CPVL: variants seen among roughly 807,000 people sequenced by gnomAD.
The protein encoded by CPVL is probable serine carboxypeptidase CPVL.
Under a neutral mutation model 63.7 loss-of-function variants are expected in CPVL, and 51 were observed. That is an observed-to-expected ratio of 0.80 (90% CI 0.64 to 1.01). CPVL has a LOEUF of 1.01. CPVL is among the 50% of genes least tolerant of loss of function. CPVL has a pLI of 0.00. For missense variants in CPVL, 530 were observed against 573.1 expected, an observed-to-expected ratio of 0.92 and a Z score of 0.77; for synonymous variants, 195 against 206.0, an observed-to-expected ratio of 0.95 and a Z score of 0.46.
chr7:29,093,439 T>C (rs1476935303), intron 5 of CPVL, among the ~76,000 whole-genome samples: 2 of 151,480 alleles, frequency 1.3e-5, no homozygotes, highest in Non-Finnish European at 1.5e-5. Context: ...TAGTTGTACA[T>C]TGTCTTCCTC....
chr7:29,100,706 G>C (rs188852286), intron 3 of CPVL, among the ~76,000 whole-genome samples: 1 of 152,146 alleles, frequency 6.6e-6, no homozygotes, highest in Admixed American at 6.5e-5. Flanking sequence ...TAAATAACAA[G>C]ATCTGTGTAC....
chr7:29,030,732 T>C lies in CPVL; in HGVS notation c.1165A>G (p.Ile389Val). Reference protein sequence around the residue: ...KVLIYNGQLDIIVAAALTERS... With the variant: ...KVLIYNGQLDVIVAAALTERS... ...TCTGTCAGGGCAGCTGCCACGATGA[T>C]GTCCAGTTGGCCATTGTAGATCAGA... is the stretch of plus-strand genomic sequence containing the variant. Residue 389 changes from isoleucine (I) to valine (V), a missense_variant, in exon 12 of 13, where the codon ATC becomes GTC. By Grantham distance (29) the Ile-to-Val change is conservative (BLOSUM62 3). Transcript: ENST00000265394. 3 of 1,612,060 alleles carry C rather than the reference T, an allele frequency of 1.9e-6. No homozygotes were observed. The highest frequency in any genetic ancestry group is 8.5e-7 in the Non-Finnish European group (1 of 1,179,258).
intron 11 of CPVL, among the ~76,000 whole-genome samples, chr7:29,038,010 A>G (rs1345025844): frequency 6.6e-6 from 1 of 152,166 alleles, no homozygotes; most frequent in East Asian, 1.9e-4. Flanking sequence ...CAATGTTTTT[A>G]TTGCTCTTTA....
At position 29,033,433 on chromosome 7, in the gene CPVL, A is replaced by G. The variant is rs144245595; in HGVS notation, c.1138-2674T>C. Among the ~76,000 whole-genome samples, 17 of 152,304 alleles carry G rather than the reference A, an allele frequency of 1.1e-4. No homozygotes were observed. The East Asian group carries it at 3.3e-3, about 29-fold the overall frequency. ...ATAGAAAAGTTCCAGGGAGGAACTT[A>G]GCTCTGACAAGGACAGGTTGGCCAA... On this transcript the variant is annotated intron_variant, in intron 11 of 12. Transcript: ENST00000265394.
At chr7:29,050,562 A>G (rs991908017) in intron 11 of CPVL, among the ~76,000 whole-genome samples, 4 of 152,196 alleles carry the variant, frequency 2.6e-5, no homozygotes, top group African/African-American at 7.2e-5. Context: ...GGAAAACTAC[A>G]AAACACTGCT....
chr7:29,168,807 T>C (rs752411171), intron 5 of CPVL, among the ~76,000 whole-genome samples: 1 of 152,254 alleles, frequency 6.6e-6, no homozygotes, highest in Admixed American at 6.5e-5. Flanking sequence ...ATTCATGTTG[T>C]TTAGACATGT....
At chr7:29,079,733 C>A (rs552604596) in intron 7 of CPVL, among the ~76,000 whole-genome samples, 2 of 152,290 alleles carry the variant, frequency 1.3e-5, no homozygotes, top group African/African-American at 4.8e-5. Flanking sequence ...TAATTATAAG[C>A]CTACTTCTAG....
intron 5 of CPVL, among the ~76,000 whole-genome samples, chr7:29,180,610 AATG>A (rs1330666624): frequency 2.6e-5 from 4 of 152,336 alleles, no homozygotes; most frequent in African/African-American, 9.6e-5. Flanking sequence ...AATTAAGGCA[AATG>A]ATGAGCCAAT....
chr7:29,023,326 A>T (rs879328461), intron 12 of CPVL, among the ~76,000 whole-genome samples: 1 of 152,220 alleles, frequency 6.6e-6, no homozygotes, highest in Non-Finnish European at 1.5e-5. Flanking sequence ...GCAAAGGCCC[A>T]TCTTATAGGG....
chr7:29,052,068 T>C (rs192977525), intron 11 of CPVL, among the ~76,000 whole-genome samples: 2 of 151,942 alleles, frequency 1.3e-5, no homozygotes, highest in Non-Finnish European at 2.9e-5. Context: ...TCAGACATCA[T>C]ATGTTCTCAC....
chr7:29,002,203 A>AAAC (rs534816944), intron 12 of CPVL, among the ~76,000 whole-genome samples: 1 of 152,216 alleles, frequency 6.6e-6, no homozygotes, highest in Non-Finnish European at 1.5e-5. Flanking sequence ...ACCCCAAAAG[A>AAAC]AACAACAACA....
upstream of CPVL, chr7:29,147,032 C>T: frequency 6.5e-7 from 1 of 1,542,672 alleles, no homozygotes; most frequent in Admixed American, 2.0e-5. Flanking sequence ...CTCAGAGCCA[C>T]CTGATGTGTT....
chr7:29,037,715 T>C (rs1447765548), intron 11 of CPVL, among the ~76,000 whole-genome samples: 1 of 152,098 alleles, frequency 6.6e-6, no homozygotes, highest in Non-Finnish European at 1.5e-5. Flanking sequence ...ATGGAGGAGT[T>C]AGAACTCCAT....
intron 5 of CPVL, among the ~76,000 whole-genome samples, chr7:29,157,777 A>C (rs111832912): frequency 2.0e-5 from 3 of 152,316 alleles, no homozygotes; most frequent in African/African-American, 7.2e-5. Flanking sequence ...GCCAGAACAA[A>C]TTAGTCAGTA....
chr7:29,186,102 A>C (rs1798674359), intron 2 of CPVL, among the ~76,000 whole-genome samples: 1 of 152,192 alleles, frequency 6.6e-6, no homozygotes, highest in African/African-American at 2.4e-5. Context: ...TGATTAGGGA[A>C]TAATTTTGAT....
intron 3 of CPVL, among the ~76,000 whole-genome samples, chr7:29,112,089 G>A (rs1788290148): frequency 6.6e-6 from 1 of 152,208 alleles, no homozygotes; most frequent in Non-Finnish European, 1.5e-5. Flanking sequence ...TCTGTCTATA[G>A]AGATTTGGGA....
chr7:29,065,090 T>C (rs1231282508), intron 10 of CPVL, among the ~76,000 whole-genome samples: 1 of 148,914 alleles, frequency 6.7e-6, no homozygotes, highest in Non-Finnish European at 1.5e-5. Context: ...TCTGTAATAA[T>C]CATTATACTG....
Position 29,146,479 on chromosome 7 carries a change from C to G in CPVL, c.-61G>C, listed in dbSNP as rs1332797726. The G allele has an allele frequency of 2.8e-6, 4 of 1,435,680 alleles. No homozygotes were observed. The highest frequency in any genetic ancestry group is 2.9e-5 in the African/African-American group (2 of 69,408). 88.9% of individuals were successfully genotyped at this position (1,435,680 alleles called of 1,614,324 possible). On this transcript the variant is annotated 5_prime_UTR_variant, in exon 1 of 13. Coordinates refer to ENST00000265394, the MANE Select transcript of CPVL (RefSeq NM_031311.5). ...AGCCGCGGCGCGCAAGGACCCCAGC[C>G]GGTTGTCCTTGCAGCGCTTCCCAAA... is the stretch of plus-strand genomic sequence containing the variant.
intron 11 of CPVL, among the ~76,000 whole-genome samples, chr7:29,052,942 C>T (rs1349884646): frequency 1.3e-5 from 2 of 151,972 alleles, no homozygotes; most frequent in Non-Finnish European, 2.9e-5. Context: ...CTCTTAACAC[C>T]TCAATAATAA....
Sources: allele counts gnomAD v4.1 joint callset (sites outside exome capture counted in the v4.1 genomes callset), GRCh38; gene constraint gnomAD v4.1.1; transcripts MANE v1.5; gene names NCBI Gene and HGNC (gene_info 2026-07-23, HGNC 2026-07-21).